PLCD3: variants seen among roughly 807,000 people sequenced by gnomAD.
The protein encoded by PLCD3 is phospholipase C delta 3, also known as 1-phosphatidylinositol 4,5-bisphosphate phosphodiesterase delta-3.
A neutral mutation model predicts 82.8 loss-of-function variants in PLCD3; 62 were observed. The observed-to-expected ratio is 0.75, with a 90% CI of 0.61 to 0.93. The LOEUF is 0.93. Ranked by LOEUF, PLCD3 falls within the 40% of genes least tolerant of loss-of-function variation. The pLI is 0.00. For synonymous variants in PLCD3, 478 were observed against 471.8 expected (o/e 1.01, Z -0.17); for missense variants, 1,023 against 1,103.4 (o/e 0.93, Z 1.03).
In PLCD3 at chr17:45,112,401, TCA is replaced by T. The variant is rs2054250018; in HGVS notation, c.*213_*214del. On this transcript the variant is annotated 3_prime_UTR_variant, in exon 15 of 15. Coordinates refer to ENST00000619929, the MANE Select transcript of PLCD3 (RefSeq NM_133373.5). Reference sequence around the variant, plus strand: ...CATCTCAGGGCCCCAGGGTTGGAGCTCACTGAAGTCACATGAACACCTTTCTG... The same window carrying T: ...CATCTCAGGGCCCCAGGGTTGGAGCTCTGAAGTCACATGAACACCTTTCTG... 1 of 590,054 alleles carries T rather than the reference TCA, an allele frequency of 1.7e-6. No individual in the cohort carries two copies. Among genetic ancestry groups the T allele is most frequent in the Non-Finnish European group, 3.0e-6 (1 of 330,596 alleles). The allele number at this position is 590,054 out of a possible 1,614,324, so 36.6% of individuals were successfully genotyped here. A position where few individuals can be genotyped will look rare whatever the true frequency, so the allele number is the denominator to read the frequency against.
intron 1 of PLCD3, among the ~76,000 whole-genome samples, chr17:45,122,618 C>T (rs1383900825): frequency 2.0e-5 from 3 of 152,210 alleles, no homozygotes; most frequent in Non-Finnish European, 4.4e-5. Context: ...ACTAACCTGT[C>T]ACTAAGCCTC....
chr17:45,122,873 C>T (rs891801348), intron 1 of PLCD3, among the ~76,000 whole-genome samples: 7 of 152,224 alleles, frequency 4.6e-5, no homozygotes, highest in South Asian at 2.1e-4. Context: ...ACTGGGTAAA[C>T]GGAGAGTCCA....
At chr17:45,117,244 C>T (rs140830921) in intron 7 of PLCD3, among the ~76,000 whole-genome samples, 211 of 152,102 alleles carry the variant, frequency 1.4e-3, no homozygotes, top group Non-Finnish European at 2.7e-3. Flanking sequence ...CACGCCTGGC[C>T]GATTTTTTGT....
At position 45,115,640 on chromosome 17, in the gene PLCD3, G is replaced by A. The variant is rs977602700; in HGVS notation, c.1414-150C>T. ...CAGAGATGAGCGATGTTTCTAATAGGAAAGAGTGGAGAATGGCCCGGGAGG... is the reference window on the plus strand; with the variant it reads ...CAGAGATGAGCGATGTTTCTAATAGAAAAGAGTGGAGAATGGCCCGGGAGG... On this transcript the variant is annotated intron_variant, in intron 8 of 14. Transcript: ENST00000619929. The A allele has an allele frequency of 3.2e-5, 22 of 693,842 alleles. No homozygotes were observed. The Middle Eastern group carries it at 1.1e-3, about 33-fold the overall frequency. The allele number at this position is 693,842 out of a possible 1,614,324, so 43.0% of individuals were successfully genotyped here.
chr17:45,116,559 G>A (rs554555426), intron 8 of PLCD3, 73 bp downstream of exon 8: 9 of 1,427,208 alleles, frequency 6.3e-6, no homozygotes, highest in African/African-American at 5.9e-5. Context: ...CCACAGAGGT[G>A]GCACGAGCAG....
In PLCD3 at chr17:45,118,951, G is replaced by C. The variant is rs764100366; in HGVS notation, c.777C>G (p.Ile259Met). 6.2e-7 allele frequency: 1 copy of C among 1,612,662 alleles called. No homozygotes were observed. The highest frequency in any genetic ancestry group is 1.1e-5 in the South Asian group (1 of 90,950). ...RLLKRPELEE[I>M]FHQYSGEDRV... ...GGTCCTCGCCCGAGTACTGATGGAAGATCTCCTCCAGCTCCGGCCGCTTCA... is the reference window on the plus strand; with the variant it reads ...GGTCCTCGCCCGAGTACTGATGGAACATCTCCTCCAGCTCCGGCCGCTTCA... Residue 259 changes from isoleucine to methionine, a missense_variant, in exon 5 of 15, where the codon ATC (isoleucine) becomes ATG (methionine). Transcript: ENST00000619929. This position sits in a 1 kb window ranked among gnomAD's most constrained non-coding sequence, Gnocchi z 4.1.
chr17:45,113,507 G>T lies in PLCD3; in HGVS notation c.1927C>A (p.Leu643Met). ...TCAAAGGTCGAGTCAGGTTGCCGCA[G>T]GCAGGCAGGTTTTAGGACGTAGCCA... The part of the protein sequence containing the change: ...QCGYVLKPAC[L>M]RQPDSTFDPE... Residue 643 changes from leucine (L) to methionine (M), a missense_variant, in exon 12 of 15, where the codon CTG (leucine) becomes ATG (methionine). Transcript: ENST00000619929. 6.3e-7 allele frequency: 1 copy of T among 1,586,320 alleles called. No homozygotes were observed.
Position 45,118,392 on chromosome 17 carries a change from G to A in PLCD3, c.1014C>T (p.Asp338=). The A allele has an allele frequency of 2.5e-6, 4 of 1,614,052 alleles. No individual in the cohort carries two copies. Among genetic ancestry groups the A allele is most frequent in the Non-Finnish European group, 3.4e-6 (4 of 1,179,898 alleles). ...LDNTHTCVFQ[D]MNQPLAHYFI... is the part of the protein sequence containing the mutation. ...AGTAGTGGGCAAGGGGCTGGTTCAT[G>A]TCCTGGAACACACACGTGTGGGTGT... Residue 338 remains aspartate (D), a synonymous_variant, in exon 6 of 15, where the codon GAC becomes GAT. Coordinates refer to ENST00000619929, the MANE Select transcript of PLCD3 (RefSeq NM_133373.5). This position sits in a 1 kb window ranked among gnomAD's most constrained non-coding sequence, Gnocchi z 4.1.
rs990435321 is a variant in PLCD3, at chr17:45,111,582, C to T, written c.*1034G>A. 6.6e-6 allele frequency: 1 copy of T among 152,218 alleles called. No individual in the cohort carries two copies. Among genetic ancestry groups the T allele is most frequent in the Non-Finnish European group, 1.5e-5 (1 of 68,066 alleles). 9.4% of individuals were successfully genotyped at this position (152,218 alleles called of 1,614,324 possible). A position where few individuals can be genotyped will look rare whatever the true frequency, so the allele number is the denominator to read the frequency against. On this transcript the variant is annotated 3_prime_UTR_variant, in exon 15 of 15. Coordinates refer to ENST00000619929, the MANE Select transcript of PLCD3 (RefSeq NM_133373.5). The stretch of plus-strand genomic sequence containing the variant: ...GAGGGGAGAGGCCCAAGAAACTCAT[C>T]CAGCCCTGTCCCTCCTCATGGGCCT...
rs61612038 is a variant in PLCD3, at chr17:45,132,231, C to G, written c.163+17G>C. Reference sequence around the variant, plus strand: ...AACGGTCCGCGCCCACCCCACCGCCCCTTGCCCGTCACTGACCCATCTTCT... The same window carrying G: ...AACGGTCCGCGCCCACCCCACCGCCGCTTGCCCGTCACTGACCCATCTTCT... On this transcript the variant is annotated intron_variant, in intron 1 of 14. Coordinates refer to ENST00000619929, the MANE Select transcript of PLCD3 (RefSeq NM_133373.5). This position sits in a 1 kb window ranked among gnomAD's most constrained non-coding sequence, Gnocchi z 4.6. 1 of 1,264,868 alleles carries G rather than the reference C, an allele frequency of 7.9e-7. No individual in the cohort carries two copies. The highest frequency in any genetic ancestry group is 3.4e-5 in the Admixed American group (1 of 29,556). 78.4% of individuals were successfully genotyped at this position (1,264,868 alleles called of 1,614,324 possible). A position where few individuals can be genotyped will look rare whatever the true frequency, so the allele number is the denominator to read the frequency against.
At chr17:45,122,273 G>A (rs919673208) in intron 1 of PLCD3, among the ~76,000 whole-genome samples, 3 of 151,446 alleles carry the variant, frequency 2.0e-5, no homozygotes, top group Non-Finnish European at 4.4e-5. Context: ...TCCGGGAGGC[G>A]GAGGTTGCAG....
intron 1 of PLCD3, among the ~76,000 whole-genome samples, chr17:45,122,480 C>T (rs549451102): frequency 3.3e-5 from 5 of 152,286 alleles, no homozygotes; most frequent in Admixed American, 3.3e-4. Flanking sequence ...CTCTGGAGGT[C>T]GGGGTCCAGC....
rs762928297 is a variant in PLCD3 at position 45,118,943 on chromosome 17, T to C, written c.785A>G (p.Gln262Arg). 1.2e-6 allele frequency: 2 copies of C among 1,612,816 alleles called. No homozygotes were observed. Among genetic ancestry groups the C allele is most frequent in the Non-Finnish European group, 1.7e-6 (2 of 1,179,734 alleles). Reference sequence around the variant, plus strand: ...CAGCACGCGGTCCTCGCCCGAGTACTGATGGAAGATCTCCTCCAGCTCCGG... The same window carrying C: ...CAGCACGCGGTCCTCGCCCGAGTACCGATGGAAGATCTCCTCCAGCTCCGG... ...KRPELEEIFH[Q>R]YSGEDRVLSA... Residue 262 changes from glutamine (Q) to arginine (R), a missense_variant, in exon 5 of 15, where the codon CAG becomes CGG. Physicochemically the swap from Gln to Arg is conservative, Grantham distance 43. Around this residue, in one of 3 missense-constraint regions of PLCD3, gnomAD observed 448 missense variants for 406.3 expected, o/e 1.10. Transcript: ENST00000619929. This position sits in a 1 kb window ranked among gnomAD's most constrained non-coding sequence, Gnocchi z 4.1.
intron 4 of PLCD3, 57 bp downstream of exon 4, chr17:45,120,268 A>G: frequency 1.2e-6 from 2 of 1,608,782 alleles, no homozygotes; most frequent in Non-Finnish European, 8.5e-7. Context: ...GGCTGGGGGC[A>G]GGCAGAGGTC....
rs562693473 is a variant in PLCD3 at position 45,114,590 on chromosome 17, A to G, written c.1712-224T>C. Among the ~76,000 whole-genome samples, 22 of 151,402 alleles carry G rather than the reference A, an allele frequency of 1.5e-4. 1 individual carries two copies. The highest frequency in any genetic ancestry group is 5.3e-4 in the African/African-American group (22 of 41,238). On this transcript the variant is annotated intron_variant, in intron 10 of 14. Coordinates refer to ENST00000619929, the MANE Select transcript of PLCD3 (RefSeq NM_133373.5). ...CCTGCATCCCCAGCCCCCAATTCCC[A>G]GCTCCTGACAAAGTTCCAACCAAGT...
Position 45,132,424 on chromosome 17 carries a change from G to C in PLCD3, c.-14C>G. The C allele has an allele frequency of 8.3e-7, 1 of 1,202,948 alleles. No individual in the cohort carries two copies. The highest frequency in any genetic ancestry group is 1.0e-6 in the Non-Finnish European group (1 of 969,014). 74.5% of individuals were successfully genotyped at this position (1,202,948 alleles called of 1,614,324 possible). On this transcript the variant is annotated 5_prime_UTR_variant, in exon 1 of 15. Coordinates refer to ENST00000619929, the MANE Select transcript of PLCD3 (RefSeq NM_133373.5). The surrounding 1 kb of genome is among the most constrained non-coding windows in gnomAD (Gnocchi z 4.6). The stretch of plus-strand genomic sequence containing the variant: ...GCCGCACAGCATGGCTTGGCGGGGG[G>C]CCGGGGCCGGGCCCGGGGTCTGCAC...
chr17:45,120,271 C>G (rs2054325409), intron 4 of PLCD3, 54 bp downstream of exon 4: 18 of 1,609,816 alleles, frequency 1.1e-5, no homozygotes, highest in Non-Finnish European at 1.5e-5. Flanking sequence ...TGGGGGCAGG[C>G]AGAGGTCAGA....
In PLCD3 at chr17:45,118,986, G is replaced by A. The variant is rs747519089; in HGVS notation, c.742C>T (p.Arg248Trp). ...LEGAEIEEFL[R>W]RLLKRPELEE... ...AGCTCCGGCCGCTTCAGCAGCCGCC[G>A]CAGGAACTCCTCGATCTCAGCCCCC... is the stretch of plus-strand genomic sequence containing the variant. Residue 248 changes from arginine (R) to tryptophan (W), a missense_variant, in exon 5 of 15, where the codon CGG (arginine) becomes TGG (tryptophan). Around this residue, in one of 3 missense-constraint regions of PLCD3, gnomAD observed 448 missense variants for 406.3 expected, o/e 1.10. Transcript: ENST00000619929. The surrounding 1 kb of genome is among the most constrained non-coding windows in gnomAD (Gnocchi z 4.1). 1.7e-5 allele frequency: 27 copies of A among 1,612,458 alleles called. No homozygotes were observed. The highest frequency in any genetic ancestry group is 7.7e-5 in the South Asian group (7 of 90,938).
At chr17:45,113,740 G>A in intron 11 of PLCD3, 135 bp from the exon 12 acceptor site, 1 of 1,107,440 alleles carries the variant, frequency 9.0e-7, no homozygotes, top group South Asian at 1.6e-5. Context: ...CTCCCACCAT[G>A]ACTTTAGGGG....
Sources: gnomAD v4.1 joint callset for allele counts (sites outside exome capture counted in the v4.1 genomes callset) on GRCh38, gnomAD v4.1.1 for gene constraint, gnomAD v4.1.1 regional missense constraint, Gnocchi (gnomAD v3.1) non-coding constraint, MANE v1.5 for transcripts, NCBI Gene and HGNC (gene_info 2026-07-23, HGNC 2026-07-21) for gene names.